UNC13C: variants seen among roughly 807,000 people sequenced by gnomAD.
UNC13C encodes the protein unc-13 homolog C.
A neutral mutation model predicts 245.4 loss-of-function variants in UNC13C; 174 were observed. That is an observed-to-expected ratio of 0.71 (90% CI 0.63 to 0.80). UNC13C has a LOEUF of 0.80. Ranked by LOEUF, UNC13C falls within the 30% of genes least tolerant of loss-of-function variation. The pLI is 0.00. For missense variants in UNC13C, 2,829 were observed against 2,602.9 expected (o/e 1.09, Z -1.89); for synonymous variants, 992 against 895.1 (o/e 1.11, Z -1.93).
intron 4 of UNC13C, among the ~76,000 whole-genome samples, chr15:54,188,453 A>G (rs986872395): frequency 6.6e-6 from 1 of 152,186 alleles, no homozygotes; most frequent in Non-Finnish European, 1.5e-5. Context: ...TTACATACAA[A>G]GATTTTATGA....
At chr15:54,488,436 A>G (rs1004903121) in intron 19 of UNC13C, among the ~76,000 whole-genome samples, 18 of 152,314 alleles carry the variant, frequency 1.2e-4, no homozygotes, top group African/African-American at 4.3e-4. Context: ...TATGTTACAA[A>G]CTATAGGATA....
the UNC13C span, among the ~76,000 whole-genome samples, chr15:53,890,231 T>G: frequency 6.6e-6 from 1 of 151,160 alleles, no homozygotes; most frequent in South Asian, 2.2e-4. Context: ...AAGCTCCGCC[T>G]TCTGGGTTCA....
intron 2 of UNC13C, among the ~76,000 whole-genome samples, chr15:54,138,460 C>A (rs1800476498): frequency 6.6e-6 from 1 of 151,876 alleles, no homozygotes; most frequent in Non-Finnish European, 1.5e-5. Context: ...CACCTTATAA[C>A]CTGAAGTAAC....
intron 22 of UNC13C, among the ~76,000 whole-genome samples, chr15:54,504,794 C>T (rs1894392889): frequency 6.6e-6 from 1 of 152,096 alleles, no homozygotes. Flanking sequence ...TCTCACTGAT[C>T]ATAAGAGCAG....
At chr15:54,232,754 G>C (rs1159290127) in intron 4 of UNC13C, among the ~76,000 whole-genome samples, 1 of 152,020 alleles carries the variant, frequency 6.6e-6, no homozygotes, top group Non-Finnish European at 1.5e-5. Context: ...TACTGTAATG[G>C]GAAAATATTT....
rs997823408 is a variant in UNC13C at position 54,466,389 on chromosome 15, A to G, written c.4934-28219A>G. 2.6e-5 allele frequency among the ~76,000 whole-genome samples: 4 copies of G among 152,110 alleles called. No individual in the cohort carries two copies. In the South Asian group the frequency reaches 8.3e-4, roughly 32 times the overall value. On this transcript the variant is annotated intron_variant, in intron 19 of 32. Coordinates refer to ENST00000260323, the MANE Select transcript of UNC13C (RefSeq NM_001080534.3). ...GGTGATGTATATTTCAATTACCCTG[A>G]TTTGATCATTTCACATAGTATGCAT...
intron 4 of UNC13C, among the ~76,000 whole-genome samples, chr15:54,155,722 T>G (rs2032716460): frequency 2.0e-5 from 3 of 152,214 alleles, no homozygotes; most frequent in Admixed American, 1.3e-4. Flanking sequence ...TGAATAAAAG[T>G]GTTCTGTACA....
At chr15:54,548,370 T>C (rs1400752587) in intron 27 of UNC13C, among the ~76,000 whole-genome samples, 1 of 151,746 alleles carries the variant, frequency 6.6e-6, no homozygotes, top group Non-Finnish European at 1.5e-5. Flanking sequence ...TACAGGCGCC[T>C]GCCACCATGC....
chr15:54,151,751 G>T (rs1050078126), intron 4 of UNC13C, among the ~76,000 whole-genome samples: 2 of 152,042 alleles, frequency 1.3e-5, no homozygotes, highest in South Asian at 4.1e-4. Context: ...GCACACAATG[G>T]TTCTACTTTG....
chr15:54,381,044 T>C (rs1364782425), intron 17 of UNC13C, among the ~76,000 whole-genome samples: 1 of 152,178 alleles, frequency 6.6e-6, no homozygotes, highest in Non-Finnish European at 1.5e-5. Context: ...TCCAGTCTAG[T>C]GTCATGGAGC....
chr15:54,314,310 CAA>C (rs1320862605), intron 13 of UNC13C, among the ~76,000 whole-genome samples: 3 of 151,492 alleles, frequency 2.0e-5, no homozygotes, highest in Non-Finnish European at 4.4e-5. Flanking sequence ...TTTCTCACCA[CAA>C]AAAAAGATAA....
At chr15:53,994,493 A>G (rs776692096) in intron 1 of UNC13C, among the ~76,000 whole-genome samples, 61 of 152,226 alleles carry the variant, frequency 4.0e-4, no homozygotes, top group Non-Finnish European at 6.5e-4. Context: ...AATTAGAATC[A>G]AATGAAGTTC....
At chr15:54,609,100 G>A (rs960551604) in intron 30 of UNC13C, among the ~76,000 whole-genome samples, 1 of 152,138 alleles carries the variant, frequency 6.6e-6, no homozygotes, top group Non-Finnish European at 1.5e-5. Context: ...GTTAATTGTG[G>A]TCATCTCTTG....
chr15:54,014,522 A>G lies in UNC13C; in HGVS notation c.1619A>G (p.Asp540Gly), dbSNP rs914920988. ...DATPLWHSQS[D>G]FFTAKLSRSE... is the part of the protein sequence containing the mutation. ...ACACCTCTCTGGCACTCACAGAGTG[A>G]TTTTTTCACTGCTAAACTTAGTCGT... is the stretch of plus-strand genomic sequence containing the variant. The change falls in exon 2 of 33, where the codon GAT becomes GGT. Residue 540 changes from aspartate to glycine, a missense_variant. Transcript: ENST00000260323. The G allele has an allele frequency of 6.2e-7, 1 of 1,613,804 alleles. No individual in the cohort carries two copies.
chr15:54,610,502 A>G (rs2141287973), intron 30 of UNC13C, among the ~76,000 whole-genome samples: 1 of 152,210 alleles, frequency 6.6e-6, no homozygotes, highest in South Asian at 2.1e-4. Flanking sequence ...AATGTTAGTC[A>G]TATGTGTCTT....
intron 2 of UNC13C, among the ~76,000 whole-genome samples, chr15:54,087,482 T>C (rs1485506259): frequency 1.3e-5 from 2 of 152,238 alleles, no homozygotes; most frequent in African/African-American, 4.8e-5. Flanking sequence ...TACCCACTTC[T>C]ATCTTTATTA....
intron 1 of UNC13C, among the ~76,000 whole-genome samples, chr15:54,009,799 C>A (rs991772322): frequency 6.6e-6 from 1 of 152,120 alleles, no homozygotes; most frequent in African/African-American, 2.4e-5. Context: ...CTGCCTTGGC[C>A]TCCCAAGGAA....
At chr15:54,377,347 A>G (rs573757272) in intron 17 of UNC13C, among the ~76,000 whole-genome samples, 2 of 152,342 alleles carry the variant, frequency 1.3e-5, no homozygotes, top group South Asian at 4.1e-4. Flanking sequence ...TACTTTTTGA[A>G]GGAAGAATTG....
intron 30 of UNC13C, among the ~76,000 whole-genome samples, chr15:54,579,589 CT>C (rs1302741835): frequency 2.0e-5 from 3 of 151,924 alleles, no homozygotes; most frequent in Non-Finnish European, 2.9e-5. Context: ...AACCTCGTCT[CT>C]ACTAAAAATA....
Sources: gnomAD v4.1 joint callset for allele counts (sites outside exome capture counted in the v4.1 genomes callset) on GRCh38, gnomAD v4.1.1 for gene constraint, MANE v1.5 for transcripts, NCBI Gene and HGNC (gene_info 2026-07-23, HGNC 2026-07-21) for gene names.